Variants in NRXN3 observed in about 807,000 individuals in gnomAD.
The protein encoded by NRXN3 is neurexin 3.
NRXN3 carries 32 observed loss-of-function variants against 137.6 expected under a neutral mutation model. The ratio of observed to expected loss-of-function variants is 0.23; its 90% CI spans 0.18 to 0.31. NRXN3 has a LOEUF of 0.31. Ranked by LOEUF, NRXN3 falls within the 10% of genes least tolerant of loss-of-function variation. NRXN3 has a pLI of 1.00. For synonymous variants in NRXN3, 798 were observed against 784.5 expected (o/e 1.02, Z -0.29); for missense variants, 1,574 against 2,062.5 (o/e 0.76, Z 4.59).
chr14:78,544,979 T>C (rs2096624549), intron 4 of NRXN3, among the ~76,000 whole-genome samples: 1 of 152,208 alleles, frequency 6.6e-6, no homozygotes, highest in African/African-American at 2.4e-5. Flanking sequence ...TCTTTTGTTA[T>C]TGCACTTTCT....
chr14:79,452,155 A>G (rs1042622888), intron 15 of NRXN3, among the ~76,000 whole-genome samples: 3 of 152,134 alleles, frequency 2.0e-5, no homozygotes, highest in African/African-American at 7.2e-5. Context: ...GCAGTTTCCA[A>G]TCTAAGTGCA....
Position 79,631,389 on chromosome 14 carries a change from C to T in NRXN3, c.3445-32389C>T, listed in dbSNP as rs368188842. 3.1e-3 allele frequency among the ~76,000 whole-genome samples: 472 copies of T among 152,366 alleles called. 4 individuals carry two copies. In the South Asian group the frequency reaches 0.031, roughly 10 times the overall value. On this transcript the variant is annotated intron_variant, in intron 16 of 20. Transcript: ENST00000335750. ...GGAAGAGCCCTTCAGTCCGCCGCGG[C>T]GCTGTGGGGGCCCCTCTCTGGGGCT...
chr14:79,274,438 T>C (rs1474639400), intron 15 of NRXN3, among the ~76,000 whole-genome samples: 1 of 152,240 alleles, frequency 6.6e-6, no homozygotes, highest in African/African-American at 2.4e-5. Flanking sequence ...CTCATTTTAT[T>C]TGATTCCCTA....
chr14:78,416,971 C>A (rs922910083), intron 4 of NRXN3, among the ~76,000 whole-genome samples: 1 of 152,196 alleles, frequency 6.6e-6, no homozygotes, highest in Admixed American at 6.5e-5. Flanking sequence ...GATATAAGGA[C>A]TGGACAGAAA....
At chr14:79,605,831 C>T (rs28409072) in intron 16 of NRXN3, among the ~76,000 whole-genome samples, 5 of 152,094 alleles carry the variant, frequency 3.3e-5, no homozygotes, top group Non-Finnish European at 7.3e-5. Context: ...CAACACCCTG[C>T]GTATGCCAAG....
chr14:78,192,732 G>T (rs983353589), intron 1 of NRXN3, among the ~76,000 whole-genome samples: 1 of 152,186 alleles, frequency 6.6e-6, no homozygotes, highest in Non-Finnish European at 1.5e-5. Context: ...AGAGAGGGTG[G>T]TGTGGCTCCA....
intron 4 of NRXN3, among the ~76,000 whole-genome samples, chr14:78,396,780 C>A (rs1393717988): frequency 6.6e-6 from 1 of 151,988 alleles, no homozygotes; most frequent in Non-Finnish European, 1.5e-5. Flanking sequence ...TTTGGAAGTT[C>A]TGATATGTTA....
chr14:79,353,443 T>C (rs1182446494), intron 15 of NRXN3, among the ~76,000 whole-genome samples: 1 of 152,166 alleles, frequency 6.6e-6, no homozygotes, highest in African/African-American at 2.4e-5. Context: ...CTTTCCTATC[T>C]TCACAATGGT....
intron 19 of NRXN3, among the ~76,000 whole-genome samples, chr14:79,706,327 A>G (rs2098778860): frequency 6.6e-6 from 1 of 151,996 alleles, no homozygotes; most frequent in Non-Finnish European, 1.5e-5. Flanking sequence ...TTTCCAAATA[A>G]CTTAATCCTT....
intron 4 of NRXN3, among the ~76,000 whole-genome samples, chr14:78,500,256 C>G (rs896241140): frequency 2.0e-5 from 3 of 152,120 alleles, no homozygotes; most frequent in Non-Finnish European, 4.4e-5. Flanking sequence ...TTTTGCTTTA[C>G]TTTTTCTCCC....
chr14:78,791,133 A>T (rs2098803936), intron 8 of NRXN3, among the ~76,000 whole-genome samples: 1 of 152,002 alleles, frequency 6.6e-6, no homozygotes. Context: ...TTTCTTTTTG[A>T]TTAGGACCTT....
chr14:78,839,533 C>A (rs2099006168), intron 10 of NRXN3, among the ~76,000 whole-genome samples: 1 of 152,192 alleles, frequency 6.6e-6, no homozygotes, highest in Non-Finnish European at 1.5e-5. Flanking sequence ...GATGACAGCA[C>A]TATCTGGAGT....
intron 4 of NRXN3, among the ~76,000 whole-genome samples, chr14:78,548,749 T>G (rs1392275975): frequency 1.3e-5 from 2 of 152,182 alleles, no homozygotes; most frequent in African/African-American, 4.8e-5. Flanking sequence ...CTATTCCTTT[T>G]TCTTTCATGT....
intron 17 of NRXN3, among the ~76,000 whole-genome samples, chr14:79,688,392 T>C (rs1418951173): frequency 6.6e-6 from 1 of 152,114 alleles, no homozygotes; most frequent in Non-Finnish European, 1.5e-5. Flanking sequence ...TTTAAGAGTA[T>C]TAGTATACCT....
At chr14:78,814,289 T>C (rs750590677) in intron 10 of NRXN3, among the ~76,000 whole-genome samples, 14 of 152,198 alleles carry the variant, frequency 9.2e-5, no homozygotes, top group Non-Finnish European at 1.6e-4. Flanking sequence ...TCATGGCGAA[T>C]TGAACTACAG....
intron 15 of NRXN3, among the ~76,000 whole-genome samples, chr14:79,381,528 A>T (rs566730888): frequency 1.8e-4 from 28 of 152,186 alleles, no homozygotes; most frequent in African/African-American, 6.5e-4. Context: ...TCCTCTGAGG[A>T]CGATGAACCC....
intron 10 of NRXN3, among the ~76,000 whole-genome samples, chr14:78,887,725 G>C (rs539794461): frequency 6.6e-6 from 1 of 152,184 alleles, no homozygotes; most frequent in Admixed American, 6.6e-5. Context: ...ACAGATCCTG[G>C]AAAGAAGAAA....
At chr14:79,394,797 G>A (rs554131168) in intron 15 of NRXN3, among the ~76,000 whole-genome samples, 2 of 152,250 alleles carry the variant, frequency 1.3e-5, no homozygotes, top group East Asian at 3.9e-4. Flanking sequence ...TCAAAGCAAA[G>A]TCTATACATT....
intron 4 of NRXN3, among the ~76,000 whole-genome samples, chr14:78,406,353 C>T (rs1009353234): frequency 6.6e-5 from 10 of 152,166 alleles, no homozygotes; most frequent in South Asian, 2.1e-4. Flanking sequence ...CCTACCCCCC[C>T]GGAAGCTGAA....
Sources: gnomAD v4.1 joint callset for allele counts (sites outside exome capture counted in the v4.1 genomes callset) on GRCh38, gnomAD v4.1.1 for gene constraint, MANE v1.5 for transcripts, NCBI Gene and HGNC (gene_info 2026-07-23, HGNC 2026-07-21) for gene names.